GLIS3: variants seen among roughly 807,000 people sequenced by gnomAD.
The protein encoded by GLIS3 is zinc finger protein GLIS3.
A neutral mutation model predicts 78.6 loss-of-function variants in GLIS3; 53 were observed. That is an observed-to-expected ratio of 0.67 (90% CI 0.54 to 0.85). GLIS3 has a LOEUF of 0.85. Ranked by LOEUF, GLIS3 falls within the 40% of genes least tolerant of loss-of-function variation. The pLI is 0.00. For missense variants in GLIS3, 1,703 were observed against 1,231.1 expected, an observed-to-expected ratio of 1.38 and a Z score of -5.74; for synonymous variants, 684 against 509.9, an observed-to-expected ratio of 1.34 and a Z score of -4.60.
At chr9:4,260,218 G>C (rs1825380187) in intron 2 of GLIS3, among the ~76,000 whole-genome samples, 1 of 152,118 alleles carries the variant, frequency 6.6e-6, no homozygotes, top group Admixed American at 6.5e-5. Context: ...GGATCACAAG[G>C]TCAAGAGATT....
intron 4 of GLIS3, among the ~76,000 whole-genome samples, chr9:4,007,041 C>T (rs959096214): frequency 5.9e-5 from 9 of 152,148 alleles, no homozygotes; most frequent in Admixed American, 5.2e-4. Context: ...GAGACTGACA[C>T]GGAAATTCTT....
chr9:4,156,416 C>T (rs1192932265), intron 2 of GLIS3, among the ~76,000 whole-genome samples: 1 of 152,176 alleles, frequency 6.6e-6, no homozygotes, highest in Non-Finnish European at 1.5e-5. Context: ...ATTCATCCTC[C>T]TTATCCACCC....
chr9:4,009,934 C>A (rs1821863993), intron 4 of GLIS3, among the ~76,000 whole-genome samples: 1 of 152,196 alleles, frequency 6.6e-6, no homozygotes, highest in Admixed American at 6.5e-5. Flanking sequence ...GTCCCTTCTG[C>A]TCCCAAGTTT....
chr9:3,844,827 C>T (rs538950271), intron 9 of GLIS3, among the ~76,000 whole-genome samples: 1 of 152,286 alleles, frequency 6.6e-6, no homozygotes, highest in Admixed American at 6.5e-5. Flanking sequence ...TGCTCAATTA[C>T]ATTACTAGCT....
intron 2 of GLIS3, among the ~76,000 whole-genome samples, chr9:4,192,359 C>T (rs1163081607): frequency 1.3e-5 from 2 of 152,218 alleles, no homozygotes; most frequent in Admixed American, 6.5e-5. Context: ...ATTTCAGTGA[C>T]ATGATGCCTC....
chr9:4,160,220 T>C (rs1037925403), intron 2 of GLIS3, among the ~76,000 whole-genome samples: 7 of 152,354 alleles, frequency 4.6e-5, no homozygotes, highest in Middle Eastern at 6.8e-3. Context: ...TTTTAAATAA[T>C]GGATGAACGA....
intron 4 of GLIS3, among the ~76,000 whole-genome samples, chr9:4,112,563 AGGTACG>A (rs1831307014): frequency 6.6e-6 from 1 of 152,204 alleles, no homozygotes. Context: ...GATGGGACCC[AGGTACG>A]GGTACTTCGG....
chr9:3,998,203 T>C (rs1330293033), intron 4 of GLIS3, among the ~76,000 whole-genome samples: 1 of 152,182 alleles, frequency 6.6e-6, no homozygotes, highest in Non-Finnish European at 1.5e-5. Flanking sequence ...AATCCAGATC[T>C]GGAAGTAGCC....
At chr9:4,246,557 G>A (rs1303177014) in intron 2 of GLIS3, among the ~76,000 whole-genome samples, 3 of 151,590 alleles carry the variant, frequency 2.0e-5, no homozygotes, top group Non-Finnish European at 4.4e-5. Context: ...TAAGCCGTGA[G>A]TAATCGCTTG....
chr9:4,471,664 C>A, the GLIS3 span, among the ~76,000 whole-genome samples: 1 of 152,130 alleles, frequency 6.6e-6, no homozygotes, highest in Non-Finnish European at 1.5e-5. Context: ...TAGAAGAAAA[C>A]CCAGGCAATA....
intron 4 of GLIS3, among the ~76,000 whole-genome samples, chr9:4,050,978 T>C (rs888227429): frequency 6.6e-6 from 1 of 152,232 alleles, no homozygotes; most frequent in Non-Finnish European, 1.5e-5. Context: ...TTTCCTCCTG[T>C]TGGAGAACAA....
At chr9:4,020,509 T>A (rs1473454022) in intron 4 of GLIS3, among the ~76,000 whole-genome samples, 1 of 152,166 alleles carries the variant, frequency 6.6e-6, no homozygotes, top group Non-Finnish European at 1.5e-5. Flanking sequence ...TTGCTTAGTA[T>A]AAGAGCATGA....
intron 2 of GLIS3, among the ~76,000 whole-genome samples, chr9:4,150,747 C>T (rs1834615262): frequency 6.6e-6 from 1 of 152,118 alleles, no homozygotes; most frequent in African/African-American, 2.4e-5. Context: ...ATGTGTCCAA[C>T]CTCCTTATTT....
chr9:4,245,162 T>C (rs752422227), intron 2 of GLIS3, among the ~76,000 whole-genome samples: 3 of 152,242 alleles, frequency 2.0e-5, no homozygotes, highest in Non-Finnish European at 2.9e-5. Context: ...GTTTTCTTAA[T>C]GATCTGAGCA....
intron 2 of GLIS3, among the ~76,000 whole-genome samples, chr9:4,242,838 T>A (rs570244488): frequency 1.3e-5 from 2 of 152,304 alleles, no homozygotes; most frequent in Non-Finnish European, 2.9e-5. Context: ...ATGTATTACA[T>A]AAAATATATT....
chr9:3,994,122 G>C (rs143952157), intron 4 of GLIS3, among the ~76,000 whole-genome samples: 7 of 152,188 alleles, frequency 4.6e-5, no homozygotes, highest in Non-Finnish European at 8.8e-5. Flanking sequence ...CACACTTTGA[G>C]AACTGCTGTT....
chr9:4,243,983 C>T (rs1329412478), intron 2 of GLIS3, among the ~76,000 whole-genome samples: 1 of 152,238 alleles, frequency 6.6e-6, no homozygotes, highest in Non-Finnish European at 1.5e-5. Flanking sequence ...TTGCTGAGAA[C>T]ATCTGGCCAT....
the GLIS3 span, among the ~76,000 whole-genome samples, chr9:4,443,330 C>G: frequency 6.6e-6 from 1 of 152,180 alleles, no homozygotes; most frequent in Non-Finnish European, 1.5e-5. Flanking sequence ...GTCTGCATTA[C>G]AGAGCAGCGA....
At chr9:4,041,960 G>T (rs900060477) in intron 4 of GLIS3, among the ~76,000 whole-genome samples, 1 of 152,182 alleles carries the variant, frequency 6.6e-6, no homozygotes, top group Admixed American at 6.5e-5. Flanking sequence ...CAAGTTTGAT[G>T]TGATTTTGCA....
Sources: gnomAD v4.1 joint callset for allele counts (sites outside exome capture counted in the v4.1 genomes callset) on GRCh38, gnomAD v4.1.1 for gene constraint, MANE v1.5 for transcripts, NCBI Gene and HGNC (gene_info 2026-07-23, HGNC 2026-07-21) for gene names.